ANK3: variants seen among roughly 807,000 people sequenced by gnomAD.
ANK3 encodes ankyrin 3, also known as ankyrin-3.
ANK3 carries 57 observed loss-of-function variants against 370.9 expected under a neutral mutation model. The observed-to-expected ratio is 0.15, with a 90% CI of 0.12 to 0.19. The LOEUF (loss-of-function observed/expected upper bound fraction) is 0.19. ANK3 is among the 10% of genes least tolerant of loss of function. The pLI, the probability that ANK3 is intolerant of heterozygous loss-of-function variation, is 1.00. For missense variants in ANK3, 4,439 were observed against 5,302.1 expected (o/e 0.84, Z 5.06); for synonymous variants, 1,929 against 1,946.3 (o/e 0.99, Z 0.23).
intron 42 of ANK3, chr10:60,043,090 G>T: frequency 9.5e-7 from 1 of 1,053,240 alleles, no homozygotes; most frequent in Non-Finnish European, 1.1e-6. Flanking sequence ...CAGCAGAATT[G>T]TAAACAATCT....
chr10:60,446,845 T>C (rs1455776268), intron 2 of ANK3, among the ~76,000 whole-genome samples: 1 of 152,150 alleles, frequency 6.6e-6, no homozygotes, highest in Non-Finnish European at 1.5e-5. Flanking sequence ...AAAAAAATAA[T>C]ACAATGGCAC....
intron 2 of ANK3, among the ~76,000 whole-genome samples, chr10:60,610,502 GAA>G (rs34160333): frequency 2.0e-3 from 289 of 146,126 alleles, no homozygotes; most frequent in East Asian, 5.8e-3. Context: ...AACGAGAGCG[GAA>G]AAAAAAAAAA....
chr10:60,438,720 G>A (rs1030228999), intron 2 of ANK3, among the ~76,000 whole-genome samples: 1 of 152,198 alleles, frequency 6.6e-6, no homozygotes, highest in African/African-American at 2.4e-5. Flanking sequence ...ACATAAGGAA[G>A]GGACGAGCAA....
Position 60,056,017 on chromosome 10 carries a change from A to T in ANK3, c.12706T>A (p.Ser4236Thr). ...LDDSPDQCRD[S>T]ITSYLKGEAG... is the part of the protein sequence containing the mutation. ...TCTCCTTTGAGATATGAGGTAATGG[A>T]ATCTCTACACTGGTCAGGGCTGCAA... Residue 4236 changes from serine (S) to threonine (T), a missense_variant, in exon 42 of 44, where the codon TCC (serine) becomes ACC (threonine). Transcript: ENST00000280772. The T allele has an allele frequency of 6.2e-7, 1 of 1,613,200 alleles. No homozygotes were observed. Among genetic ancestry groups the T allele is most frequent in the East Asian group, 2.2e-5 (1 of 44,878 alleles).
intron 28 of ANK3, among the ~76,000 whole-genome samples, chr10:60,103,570 C>T (rs773890619): frequency 2.0e-5 from 3 of 151,730 alleles, no homozygotes; most frequent in South Asian, 2.1e-4. Flanking sequence ...AAAAGAGTGG[C>T]GAGAAGGGTT....
At chr10:60,566,342 A>G (rs140771181) in intron 2 of ANK3, among the ~76,000 whole-genome samples, 2 of 152,320 alleles carry the variant, frequency 1.3e-5, no homozygotes, top group Admixed American at 6.5e-5. Context: ...AGGAAGGGCC[A>G]CACATCTTCC....
intron 23 of ANK3, among the ~76,000 whole-genome samples, chr10:60,146,241 T>C (rs922128316): frequency 1.3e-5 from 2 of 152,112 alleles, no homozygotes; most frequent in African/African-American, 4.8e-5. Context: ...CATGCCTCTT[T>C]AAGAGATGGA....
intron 1 of ANK3, among the ~76,000 whole-genome samples, chr10:60,636,777 A>G (rs1434128881): frequency 6.6e-6 from 1 of 152,222 alleles, no homozygotes; most frequent in African/African-American, 2.4e-5. Context: ...TTGCTACCAT[A>G]TTTAGCTGCT....
intron 16 of ANK3, among the ~76,000 whole-genome samples, chr10:60,194,268 C>T (rs936940539): frequency 5.9e-5 from 9 of 152,132 alleles, no homozygotes; most frequent in Non-Finnish European, 7.4e-5. Context: ...CAAAATTTCC[C>T]ATTTAAAGTA....
intron 2 of ANK3, among the ~76,000 whole-genome samples, chr10:60,414,869 G>T (rs1189829045): frequency 1.3e-5 from 2 of 152,174 alleles, no homozygotes; most frequent in Non-Finnish European, 2.9e-5. Context: ...GTATTAGAAA[G>T]GCTGAGAGGA....
At chr10:60,518,842 C>T (rs1312516276) in intron 2 of ANK3, among the ~76,000 whole-genome samples, 6 of 152,128 alleles carry the variant, frequency 3.9e-5, no homozygotes, top group East Asian at 1.9e-4. Flanking sequence ...TTCTGGCTTG[C>T]GATGCCTGAA....
At chr10:60,182,316 T>C (rs1318921629) in intron 17 of ANK3, among the ~76,000 whole-genome samples, 1 of 152,180 alleles carries the variant, frequency 6.6e-6, no homozygotes, top group Non-Finnish European at 1.5e-5. Flanking sequence ...TTCCAGGTCA[T>C]TTAGATGATG....
chr10:60,179,416 C>T (rs1033869286), intron 18 of ANK3, among the ~76,000 whole-genome samples: 17 of 152,276 alleles, frequency 1.1e-4, no homozygotes, highest in Middle Eastern at 3.4e-3. Flanking sequence ...ACTACGTGGC[C>T]GGGAACGGTG....
At chr10:60,229,651 A>G (rs1184713525) in intron 8 of ANK3, among the ~76,000 whole-genome samples, 1 of 152,222 alleles carries the variant, frequency 6.6e-6, no homozygotes, top group Non-Finnish European at 1.5e-5. Flanking sequence ...CTGAGCATAA[A>G]TACTTCTTTA....
intron 1 of ANK3, among the ~76,000 whole-genome samples, chr10:60,623,677 TG>T (rs2078369557): frequency 6.6e-6 from 1 of 152,214 alleles, no homozygotes; most frequent in Admixed American, 6.5e-5. Flanking sequence ...GGATATTAAA[TG>T]GACTGGAGAG....
At chr10:60,078,538 A>C (rs1420909248) in intron 36 of ANK3, among the ~76,000 whole-genome samples, 1 of 152,212 alleles carries the variant, frequency 6.6e-6, no homozygotes, top group Non-Finnish European at 1.5e-5. Context: ...CTATCAGGCA[A>C]AGAAATCTTT....
At chr10:60,438,266 T>A (rs1281872246) in intron 2 of ANK3, among the ~76,000 whole-genome samples, 1 of 152,042 alleles carries the variant, frequency 6.6e-6, no homozygotes, top group African/African-American at 2.4e-5. Context: ...TATATATGTA[T>A]GTATGTATGT....
rs531969915 is a variant in ANK3 at position 60,644,685 on chromosome 10, C to T, written c.58-29461G>A. 2.7e-4 allele frequency among the ~76,000 whole-genome samples: 41 copies of T among 152,096 alleles called. No homozygotes were observed. The South Asian group carries it at 4.1e-3, about 15-fold the overall frequency. ...CACACACTGATCCTCTTCAACCTCC[C>T]CTTCCTCTTCTCCTAGATTAGATAA... On this transcript the variant is annotated intron_variant, in intron 1 of 43. Coordinates refer to the ANK3 transcript ENST00000373827.
chr10:60,288,731 G>A (rs2040604823), intron 1 of ANK3, among the ~76,000 whole-genome samples: 1 of 152,044 alleles, frequency 6.6e-6, no homozygotes, highest in Non-Finnish European at 1.5e-5. Flanking sequence ...GATACCAGGA[G>A]GAAATAAAGA....
Sources: gnomAD v4.1 joint callset for allele counts (sites outside exome capture counted in the v4.1 genomes callset) on GRCh38, gnomAD v4.1.1 for gene constraint, MANE v1.5 for transcripts, NCBI Gene and HGNC (gene_info 2026-07-23, HGNC 2026-07-21) for gene names.